Variants in RDH13 observed in about 807,000 individuals in gnomAD.
RDH13 encodes the protein retinol dehydrogenase 13 (all-trans and 9-cis).
Under a neutral mutation model 28.3 loss-of-function variants are expected in RDH13, and 35 were observed. That is an observed-to-expected ratio of 1.24 (90% CI 0.95 to 1.64). The LOEUF is 1.64. Among genes scored for constraint, RDH13 ranks in the 40% most tolerant of loss-of-function variants. The probability of loss-of-function intolerance (pLI) is 0.00; values close to 1 mark genes in which losing one functional copy is unlikely to be tolerated. For missense variants in RDH13, 514 were observed against 446.3 expected, an observed-to-expected ratio of 1.15 and a Z score of -1.37; for synonymous variants, 229 against 198.5, an observed-to-expected ratio of 1.15 and a Z score of -1.29.
downstream of RDH13, chr19:55,042,518 C>T (rs560397204): frequency 2.8e-4 from 42 of 152,182 alleles, no homozygotes; most frequent in African/African-American, 9.6e-4. Context: ...GTGAGTCCTA[C>T]GCACCTATTC....
At chr19:55,046,245 C>CAAA (rs113661219) in intron 6 of RDH13, among the ~76,000 whole-genome samples, 1 of 139,286 alleles carries the variant, frequency 7.2e-6, no homozygotes, top group Non-Finnish European at 1.5e-5. Flanking sequence ...AACTCCGTCT[C>CAAA]AAAAAAAAAA....
chr19:55,060,000 A>G (rs376988880), intron 1 of RDH13, among the ~76,000 whole-genome samples: 26 of 152,318 alleles, frequency 1.7e-4, no homozygotes, highest in African/African-American at 6.0e-4. Flanking sequence ...GCACTGCAGA[A>G]AGCTGCAGGG....
chr19:55,051,460 G>A (rs966062028), intron 3 of RDH13, among the ~76,000 whole-genome samples: 3 of 150,810 alleles, frequency 2.0e-5, no homozygotes, highest in African/African-American at 7.3e-5. Context: ...GTCTCACTCT[G>A]CCACCCAGGC....
chr19:55,057,487 C>T (rs536487665), intron 2 of RDH13, among the ~76,000 whole-genome samples: 8 of 149,038 alleles, frequency 5.4e-5, no homozygotes, highest in South Asian at 2.1e-4. Flanking sequence ...GGCTGGAGTG[C>T]GGTGGCGCAA....
intron 6 of RDH13, chr19:55,047,118 T>C: frequency 7.3e-6 from 10 of 1,377,878 alleles, no homozygotes; most frequent in Non-Finnish European, 9.4e-6. Flanking sequence ...GAGTACAGCC[T>C]GACTCCAGGC....
intron 3 of RDH13, among the ~76,000 whole-genome samples, chr19:55,052,818 G>A (rs564302488): frequency 3.3e-5 from 5 of 151,794 alleles, no homozygotes; most frequent in African/African-American, 4.8e-5. Context: ...CCGCCACCAC[G>A]CCCGGCTAAT....
chr19:55,045,814 C>T (rs1206518757), intron 6 of RDH13, among the ~76,000 whole-genome samples: 2 of 150,686 alleles, frequency 1.3e-5, no homozygotes, highest in Admixed American at 6.6e-5. Flanking sequence ...GGTGTGGTGG[C>T]GGGTGCCTGT....
chr19:55,056,666 T>C lies in RDH13; in HGVS notation c.327A>G (p.Ala109=), dbSNP rs924965466. The part of the protein sequence containing the change: ...ASLKSIREFA[A]KIIEEEERVD... ...GCGTTCTCCTACCTTCAATGATCTT[T>C]GCTGCAAACTCTCGGATAGACTTGA... Residue 109 remains alanine (A), a synonymous_variant, in exon 3 of 7, where the codon GCA becomes GCG. Transcript: ENST00000415061. 6.2e-6 allele frequency: 10 copies of C among 1,613,920 alleles called. No individual in the cohort carries two copies. The highest frequency in any genetic ancestry group is 6.8e-6 in the Non-Finnish European group (8 of 1,180,004).
At chr19:55,054,568 A>G (rs1861940189) in intron 3 of RDH13, among the ~76,000 whole-genome samples, 1 of 152,076 alleles carries the variant, frequency 6.6e-6, no homozygotes, top group African/African-American at 2.4e-5. Flanking sequence ...CCTGGGTGAC[A>G]GAGCAAGACT....
intron 3 of RDH13, among the ~76,000 whole-genome samples, 166 bp downstream of exon 3, chr19:55,056,487 C>A (rs936447772): frequency 1.9e-5 from 2 of 103,532 alleles, no homozygotes; most frequent in Admixed American, 1.9e-4. Context: ...TAAATAAAGT[C>A]GTTGCTTGCA....
intron 3 of RDH13, among the ~76,000 whole-genome samples, chr19:55,049,511 C>T (rs1356759854): frequency 1.3e-5 from 2 of 152,118 alleles, no homozygotes; most frequent in Admixed American, 6.6e-5. Context: ...CAGACCTGGC[C>T]GGGCACAGTG....
Position 55,048,497 on chromosome 19 carries a change from A to G in RDH13, c.490T>C (p.Ser164Pro). Reference protein sequence around the residue: ...TNLLLDKLKASAPSRIINLSS... With the variant: ...TNLLLDKLKAPAPSRIINLSS... Reference sequence around the variant, plus strand: ...AGGTTGATGATCCGCGAAGGGGCTGAGGCTTTCAGCTTGTCCAGCAGCAAG... The same window carrying G: ...AGGTTGATGATCCGCGAAGGGGCTGGGGCTTTCAGCTTGTCCAGCAGCAAG... The change falls in exon 5 of 7, where the codon TCA becomes CCA. Residue 164 changes from serine (S) to proline (P), a missense_variant. Ser to Pro is a moderately conservative substitution (Grantham distance 74). Transcript: ENST00000415061. 2 of 1,614,248 alleles carry G rather than the reference A, an allele frequency of 1.2e-6. No individual in the cohort carries two copies. The highest frequency in any genetic ancestry group is 1.7e-6 in the Non-Finnish European group (2 of 1,180,046).
intron 1 of RDH13, among the ~76,000 whole-genome samples, chr19:55,062,117 CAA>C (rs34652854): frequency 3.4e-5 from 5 of 147,506 alleles, no homozygotes; most frequent in Non-Finnish European, 3.0e-5. Context: ...AACTCTGTCT[CAA>C]AAAAAAAAAA....
chr19:55,050,947 G>A (rs1485923915), intron 3 of RDH13: 4 of 146,378 alleles, frequency 2.7e-5, no homozygotes, highest in Non-Finnish European at 5.9e-5. Flanking sequence ...GCTCCACCCC[G>A]ACCAGCTGCA....
downstream of RDH13, among the ~76,000 whole-genome samples, chr19:55,043,690 T>G (rs2075103682): frequency 6.6e-6 from 1 of 152,140 alleles, no homozygotes; most frequent in Admixed American, 6.6e-5. Context: ...TGTGGGATAT[T>G]GAGTAGCATC....
At chr19:55,067,571 C>A (rs887461301), upstream of RDH13, 3 of 152,128 alleles carry the variant, frequency 2.0e-5, no homozygotes, top group East Asian at 5.8e-4. Context: ...ACCCAGAGCG[C>A]GGCTCCAATG....
chr19:55,053,195 G>A lies in RDH13; in HGVS notation c.340+3458C>T, dbSNP rs145721351. On this transcript the variant is annotated intron_variant, in intron 3 of 6. Transcript: ENST00000415061. ...AGTGCCGGGATGACAGGCGTGAACC[G>A]CTGCACCTGGCCTGCCCCAGTGTGG... Among the ~76,000 whole-genome samples, 735 of 152,238 alleles carry A rather than the reference G, an allele frequency of 4.8e-3. 8 individuals are homozygous for A. The highest frequency in any genetic ancestry group is 0.016 in the African/African-American group (685 of 41,534).
downstream of RDH13, chr19:55,041,540 G>C (rs1223506154): frequency 1.2e-5 from 1 of 84,072 alleles, no homozygotes; most frequent in Non-Finnish European, 2.8e-5. Flanking sequence ...GCAAGAAAAT[G>C]GTATTATTCT....
chr19:55,047,538 G>A (rs1159441507), intron 5 of RDH13, 50 bp from the exon 6 acceptor site: 8 of 1,553,162 alleles, frequency 5.2e-6, no homozygotes, highest in Non-Finnish European at 6.1e-6. Context: ...GCCTCACCTG[G>A]GAGGCTGTGG....
Sources: allele counts gnomAD v4.1 joint callset (sites outside exome capture counted in the v4.1 genomes callset), GRCh38; gene constraint gnomAD v4.1.1; transcripts MANE v1.5; gene names NCBI Gene and HGNC (gene_info 2026-07-23, HGNC 2026-07-21).